GPD1L: variants seen among roughly 807,000 people sequenced by gnomAD.
The protein encoded by GPD1L is glycerol-3-phosphate dehydrogenase 1 like, also known as glycerol-3-phosphate dehydrogenase 1-like protein.
A neutral mutation model predicts 32.9 loss-of-function variants in GPD1L; 17 were observed. The observed-to-expected ratio is 0.52, with a 90% CI of 0.35 to 0.78. The LOEUF is 0.78. GPD1L is among the 30% of genes least tolerant of loss of function. The pLI, the probability that GPD1L is intolerant of heterozygous loss-of-function variation, is 0.01. For synonymous variants in GPD1L, 187 were observed against 165.9 expected (o/e 1.13, Z -0.98); for missense variants, 361 against 447.8 (o/e 0.81, Z 1.75).
intron 2 of GPD1L, among the ~76,000 whole-genome samples, chr3:32,132,810 G>T (rs1700605535): frequency 6.6e-6 from 1 of 152,162 alleles, no homozygotes; most frequent in East Asian, 1.9e-4. Flanking sequence ...GATATTATTG[G>T]TGTTGTACTG....
chr3:32,165,846 G>T lies in GPD1L; in HGVS notation c.992G>T (p.Cys331Phe). ...TTGTTTACTGCAGTGTATCAGATCT[G>T]CTACGAAAGCAGACCAGTTCAAGAG... The part of the protein sequence containing the change: ...FPLFTAVYQI[C>F]YESRPVQEML... Residue 331 changes from cysteine to phenylalanine, a missense_variant, in exon 8 of 8, where the codon TGC (cysteine) becomes TTC (phenylalanine). Cys to Phe is a radical substitution (Grantham distance 205). Coordinates refer to ENST00000282541, the MANE Select transcript of GPD1L (RefSeq NM_015141.4). The T allele has an allele frequency of 6.2e-7, 1 of 1,608,992 alleles. No individual in the cohort carries two copies. The highest frequency in any genetic ancestry group is 1.7e-5 in the Admixed American group (1 of 60,012).
chr3:32,114,395 G>A (rs1450070236), intron 1 of GPD1L, among the ~76,000 whole-genome samples: 1 of 152,220 alleles, frequency 6.6e-6, no homozygotes, highest in East Asian at 1.9e-4. Flanking sequence ...CATGTGTTCA[G>A]AAGAGTCATA....
At chr3:32,147,431 T>A (rs538503459) in intron 5 of GPD1L, among the ~76,000 whole-genome samples, 1 of 152,332 alleles carries the variant, frequency 6.6e-6, no homozygotes, top group East Asian at 1.9e-4. Flanking sequence ...TCCCCTCTTT[T>A]GAGGTAAAGG....
chr3:32,156,180 G>C (rs1213126343), intron 5 of GPD1L, among the ~76,000 whole-genome samples: 1 of 152,182 alleles, frequency 6.6e-6, no homozygotes, highest in African/African-American at 2.4e-5. Flanking sequence ...GATGCTGCCT[G>C]TTGCTGAGAG....
In GPD1L at chr3:32,131,307, G is replaced by A. The variant is rs186675367; in HGVS notation, c.225+3054G>A. 1.4e-4 allele frequency among the ~76,000 whole-genome samples: 21 copies of A among 152,058 alleles called. No individual in the cohort carries two copies. In the East Asian group the frequency reaches 2.7e-3, roughly 20 times the overall value. On this transcript the variant is annotated intron_variant, in intron 2 of 7. Coordinates refer to ENST00000282541, the MANE Select transcript of GPD1L (RefSeq NM_015141.4). ...ACCATACAATTCAGTGGCTTTTTTC[G>A]TATATTTACATAGCTGTGCAGCCAT...
At chr3:32,117,733 G>C (rs1700353448) in intron 1 of GPD1L, among the ~76,000 whole-genome samples, 1 of 152,180 alleles carries the variant, frequency 6.6e-6, no homozygotes, top group African/African-American at 2.4e-5. Flanking sequence ...GGACAGTTTG[G>C]TTCTCTGCCA....
At chr3:32,155,200 A>G (rs1700970818) in intron 5 of GPD1L, among the ~76,000 whole-genome samples, 1 of 152,094 alleles carries the variant, frequency 6.6e-6, no homozygotes, top group Non-Finnish European at 1.5e-5. Flanking sequence ...CTGCAAAGCC[A>G]GGCACCAGGG....
chr3:32,154,929 G>T (rs879763413), intron 5 of GPD1L, among the ~76,000 whole-genome samples: 6 of 151,702 alleles, frequency 4.0e-5, no homozygotes, highest in Non-Finnish European at 7.4e-5. Flanking sequence ...TTGTATTTTT[G>T]GTAGAAACAG....
chr3:32,123,055 C>T (rs1464015317), intron 1 of GPD1L, among the ~76,000 whole-genome samples: 4 of 152,012 alleles, frequency 2.6e-5, no homozygotes, highest in East Asian at 1.9e-4. Context: ...CAGGTGCAGC[C>T]GCCATGCCCA....
intron 1 of GPD1L, among the ~76,000 whole-genome samples, chr3:32,116,881 C>T (rs1700339469): frequency 6.6e-6 from 1 of 152,154 alleles, no homozygotes; most frequent in Non-Finnish European, 1.5e-5. Context: ...ACTGTATTGT[C>T]ATCATCCTTA....
intron 1 of GPD1L, among the ~76,000 whole-genome samples, chr3:32,124,994 C>G (rs1409985101): frequency 6.6e-6 from 1 of 150,648 alleles, no homozygotes; most frequent in African/African-American, 2.5e-5. Flanking sequence ...AAGTCCTGGT[C>G]CTCCTCCTCC....
At chr3:32,129,991 G>A (rs1454299993) in intron 2 of GPD1L, among the ~76,000 whole-genome samples, 1 of 152,020 alleles carries the variant, frequency 6.6e-6, no homozygotes, top group Non-Finnish European at 1.5e-5. Context: ...CTACCTCCAC[G>A]TGCCCTCAGT....
chr3:32,107,837 C>T (rs9310985), intron 1 of GPD1L, among the ~76,000 whole-genome samples: 128,499 of 152,166 alleles, frequency 0.84, 54,770 homozygotes, highest in Non-Finnish European at 0.91. Context: ...GCCTGCATCA[C>T]TGCATTATAA....
chr3:32,140,398 CT>C, intron 4 of GPD1L, 32 bp downstream of exon 4: 1 of 1,610,646 alleles, frequency 6.2e-7, no homozygotes, highest in Non-Finnish European at 8.5e-7. Context: ...CCCCAGGAGT[CT>C]GGACATTTGA....
chr3:32,147,455 C>G (rs1177877839), intron 5 of GPD1L, among the ~76,000 whole-genome samples: 2 of 152,076 alleles, frequency 1.3e-5, no homozygotes, highest in Non-Finnish European at 2.9e-5. Context: ...GTCTCCACAC[C>G]TGGGCTCCTG....
chr3:32,162,489 C>G (rs1268070436), intron 7 of GPD1L, among the ~76,000 whole-genome samples: 1 of 83,964 alleles, frequency 1.2e-5, no homozygotes, highest in Non-Finnish European at 2.2e-5. Flanking sequence ...GGGTTCAAGC[C>G]ATTCTCCTGC....
intron 1 of GPD1L, among the ~76,000 whole-genome samples, chr3:32,120,606 G>C (rs1296236859): frequency 6.6e-6 from 1 of 152,160 alleles, no homozygotes; most frequent in African/African-American, 2.4e-5. Flanking sequence ...CAATGAAGGA[G>C]GCAGTTAATG....
At chr3:32,162,733 A>G (rs2125499925) in intron 7 of GPD1L, among the ~76,000 whole-genome samples, 1 of 152,292 alleles carries the variant, frequency 6.6e-6, no homozygotes, top group Admixed American at 6.5e-5. Flanking sequence ...GGAGGAGGGC[A>G]CAATTCAGCC....
chr3:32,160,182 G>C (rs1338590059), intron 7 of GPD1L, among the ~76,000 whole-genome samples: 3 of 145,760 alleles, frequency 2.1e-5, no homozygotes, highest in Admixed American at 2.1e-4. Flanking sequence ...GATGGGATGG[G>C]ATGGAATGGG....
Sources: gnomAD v4.1 joint callset for allele counts (sites outside exome capture counted in the v4.1 genomes callset) on GRCh38, gnomAD v4.1.1 for gene constraint, MANE v1.5 for transcripts, NCBI Gene and HGNC (gene_info 2026-07-23, HGNC 2026-07-21) for gene names.